Variants in MDM4 observed in about 807,000 individuals in gnomAD.
The protein encoded by MDM4 is protein Mdm4.
A neutral mutation model predicts 60.2 loss-of-function variants in MDM4; 2 were observed. The ratio of observed to expected loss-of-function variants is 0.03; its 90% CI spans 0.01 to 0.10. The LOEUF (loss-of-function observed/expected upper bound fraction) is 0.10, where lower values mean the gene tolerates loss of function less well. Ranked by LOEUF, MDM4 falls within the 10% of genes least tolerant of loss-of-function variation. The pLI, the probability that MDM4 is intolerant of heterozygous loss-of-function variation, is 1.00. For synonymous variants in MDM4, 202 were observed against 198.1 expected (o/e 1.02, Z -0.17); for missense variants, 447 against 577.5 (o/e 0.77, Z 2.32).
chr1:204,536,200 C>G (rs901329834), intron 5 of MDM4, among the ~76,000 whole-genome samples: 2 of 152,142 alleles, frequency 1.3e-5, no homozygotes, highest in African/African-American at 4.8e-5. Context: ...TTTAGTGAGC[C>G]GAGATTGCGC....
At chr1:204,523,155 G>T (rs555955187) in intron 1 of MDM4, among the ~76,000 whole-genome samples, 1 of 151,548 alleles carries the variant, frequency 6.6e-6, no homozygotes, top group Non-Finnish European at 1.5e-5. Flanking sequence ...GGGCCAGCGT[G>T]CCCGGCTGAT....
At chr1:204,520,419 T>C (rs1240147171) in intron 1 of MDM4, among the ~76,000 whole-genome samples, 6 of 151,718 alleles carry the variant, frequency 4.0e-5, no homozygotes, top group Admixed American at 2.0e-4. Flanking sequence ...AAAAATACTT[T>C]TTAGGAATCC....
chr1:204,534,789 GC>G (rs1218507109), intron 5 of MDM4, among the ~76,000 whole-genome samples: 1 of 152,108 alleles, frequency 6.6e-6, no homozygotes, highest in Non-Finnish European at 1.5e-5. Flanking sequence ...ACCATGCGTG[GC>G]CCATTTTTAT....
chr1:204,530,999 A>G (rs1021251077), intron 4 of MDM4, among the ~76,000 whole-genome samples, 182 bp downstream of exon 4: 5 of 152,238 alleles, frequency 3.3e-5, no homozygotes, highest in African/African-American at 1.2e-4. Context: ...TATGGAGTAT[A>G]CAGAGTAGTG....
At chr1:204,546,142 A>G (rs1572520065) in intron 9 of MDM4, among the ~76,000 whole-genome samples, 1 of 152,304 alleles carries the variant, frequency 6.6e-6, no homozygotes, top group South Asian at 2.1e-4. Context: ...CTGTCTGCTT[A>G]GATAAAAAAT....
rs1230617185 is a variant in MDM4 at position 204,551,558 on chromosome 1, A to G, written c.*1876A>G. ...GAAATGGTAGATCTGAAGAGGCCTCATCAGAGCACATATTTTAGGACAACA... is the reference window on the plus strand; with the variant it reads ...GAAATGGTAGATCTGAAGAGGCCTCGTCAGAGCACATATTTTAGGACAACA... On this transcript the variant is annotated 3_prime_UTR_variant, in exon 11 of 11. Coordinates refer to ENST00000367182, the MANE Select transcript of MDM4 (RefSeq NM_002393.5). 1.4e-5 allele frequency: 3 copies of G among 219,456 alleles called. No homozygotes were observed. Among genetic ancestry groups the G allele is most frequent in the Non-Finnish European group, 2.6e-5 (3 of 113,918 alleles). The allele number at this position is 219,456 out of a possible 1,614,324, so 13.6% of individuals were successfully genotyped here. A position where few individuals can be genotyped will look rare whatever the true frequency, so the allele number is the denominator to read the frequency against.
chr1:204,549,268 A>G lies in MDM4; in HGVS notation c.1059A>G (p.Glu353=), dbSNP rs1028924218. 2 of 1,614,112 alleles carry G rather than the reference A, an allele frequency of 1.2e-6. No homozygotes were observed. The highest frequency in any genetic ancestry group is 1.7e-6 in the Non-Finnish European group (2 of 1,180,050). ...ATATCACTGCCATACCTGAAAAGGA[A>G]AATGAAGGAAATGATGTCCCTGATT... is the stretch of plus-strand genomic sequence containing the variant. ...TSDITAIPEK[E]NEGNDVPDCR... Residue 353 remains glutamate, a synonymous_variant, in exon 11 of 11, where the codon GAA becomes GAG. Transcript: ENST00000367182.
intron 3 of MDM4, among the ~76,000 whole-genome samples, chr1:204,528,413 T>G (rs1007300309): frequency 6.6e-6 from 1 of 152,140 alleles, no homozygotes; most frequent in Non-Finnish European, 1.5e-5. Context: ...GATTCCACTT[T>G]GGAGAAAATG....
chr1:204,532,947 G>A, intron 5 of MDM4: 2 of 1,013,364 alleles, frequency 2.0e-6, no homozygotes, highest in Non-Finnish European at 2.9e-6. Context: ...TTGTACTTCT[G>A]TTTAATCACA....
At chr1:204,536,293 C>A (rs191350373) in intron 5 of MDM4, among the ~76,000 whole-genome samples, 2 of 152,310 alleles carry the variant, frequency 1.3e-5, no homozygotes, top group East Asian at 3.9e-4. Context: ...ATATGTTAGT[C>A]CAACTTCGCT....
At position 204,548,166 on chromosome 1, in the gene MDM4, A is replaced by G. The variant is rs143850016; in HGVS notation, c.904-947A>G. Reference sequence around the variant, plus strand: ...GTCCTACTAAGAAAAAGTGATGCCAATTAAACTGTGGCACACCATCACTCA... The same window carrying G: ...GTCCTACTAAGAAAAAGTGATGCCAGTTAAACTGTGGCACACCATCACTCA... On this transcript the variant is annotated intron_variant, in intron 10 of 10. Transcript: ENST00000367182. Among the ~76,000 whole-genome samples, 42 of 152,388 alleles carry G rather than the reference A, an allele frequency of 2.8e-4. No individual in the cohort carries two copies. The East Asian group carries it at 7.3e-3, about 27-fold the overall frequency.
rs1430969876 is a variant in MDM4 at position 204,551,846 on chromosome 1, A to C, written c.*2164A>C. Reference sequence around the variant, plus strand: ...TTCCTGGAATCTCTATGCAAGTTTTATACAGAACATACTTTTGGAATCCTT... The same window carrying C: ...TTCCTGGAATCTCTATGCAAGTTTTCTACAGAACATACTTTTGGAATCCTT... On this transcript the variant is annotated 3_prime_UTR_variant, in exon 11 of 11. Transcript: ENST00000367182. The C allele has an allele frequency of 4.7e-6, 1 of 212,906 alleles. No individual in the cohort carries two copies. Among genetic ancestry groups the C allele is most frequent in the Non-Finnish European group, 9.5e-6 (1 of 105,398 alleles). The allele number at this position is 212,906 out of a possible 1,614,324, so 13.2% of individuals were successfully genotyped here.
intron 3 of MDM4, 102 bp downstream of exon 3, chr1:204,526,536 T>C: frequency 1.2e-6 from 1 of 812,260 alleles, no homozygotes; most frequent in Non-Finnish European, 2.0e-6. Context: ...CGATCTCAGA[T>C]CACTGCAAGC....
intron 5 of MDM4, chr1:204,532,895 C>G (rs1023308571): frequency 2.2e-5 from 34 of 1,544,662 alleles, no homozygotes; most frequent in Non-Finnish European, 2.8e-5. Flanking sequence ...TGAATAAATT[C>G]AAGTTTAAAT....
At chr1:204,520,407 C>A in intron 1 of MDM4, among the ~76,000 whole-genome samples, 2 of 143,744 alleles carry the variant, frequency 1.4e-5, no homozygotes, top group Non-Finnish European at 1.5e-5. Flanking sequence ...AGCAACTAAA[C>A]TAAAAATACT....
chr1:204,535,266 T>G (rs1208108802), intron 5 of MDM4, among the ~76,000 whole-genome samples: 2 of 150,960 alleles, frequency 1.3e-5, no homozygotes, highest in African/African-American at 2.4e-5. Flanking sequence ...CACGCAGTTC[T>G]CCTGCCTCAG....
intron 1 of MDM4, among the ~76,000 whole-genome samples, chr1:204,520,942 A>G (rs1021008807): frequency 3.3e-5 from 5 of 152,186 alleles, no homozygotes; most frequent in African/African-American, 1.2e-4. Flanking sequence ...AATAATCAGC[A>G]TATGTCTTGA....
Position 204,546,682 on chromosome 1 carries a change from G to C in MDM4, c.823-115G>C, listed in dbSNP as rs554875953. ...ATTTAAGCTGTCTCCTTAAGTGCTAGAGATGGGAGAAGAATGTGAGTTTTA... is the reference window on the plus strand; with the variant it reads ...ATTTAAGCTGTCTCCTTAAGTGCTACAGATGGGAGAAGAATGTGAGTTTTA... On this transcript the variant is annotated intron_variant, in intron 9 of 10. Coordinates refer to ENST00000367182, the MANE Select transcript of MDM4 (RefSeq NM_002393.5). 10 of 664,622 alleles carry C rather than the reference G, an allele frequency of 1.5e-5. No individual in the cohort carries two copies. The East Asian group carries it at 2.2e-4, about 15-fold the overall frequency. The allele number at this position is 664,622 out of a possible 1,614,324, so 41.2% of individuals were successfully genotyped here.
chr1:204,523,761 T>A (rs1659822219), intron 1 of MDM4, among the ~76,000 whole-genome samples: 1 of 152,106 alleles, frequency 6.6e-6, no homozygotes, highest in South Asian at 2.1e-4. Flanking sequence ...TTTAATTTTC[T>A]CAGCAAGGCA....
Sources: gnomAD v4.1 joint callset for allele counts (sites outside exome capture counted in the v4.1 genomes callset) on GRCh38, gnomAD v4.1.1 for gene constraint, MANE v1.5 for transcripts, NCBI Gene and HGNC (gene_info 2026-07-23, HGNC 2026-07-21) for gene names.